Variants in PPM1E observed in about 807,000 individuals in gnomAD.
The protein encoded by PPM1E is protein phosphatase, Mg2+/Mn2+ dependent 1E, also known as protein phosphatase 1E.
A neutral mutation model predicts 65.9 loss-of-function variants in PPM1E; 20 were observed. The observed-to-expected ratio is 0.30, with a 90% CI of 0.21 to 0.44. The LOEUF (loss-of-function observed/expected upper bound fraction) is 0.44, where lower values mean the gene tolerates loss of function less well. PPM1E is among the 20% of genes least tolerant of loss of function. The pLI is 1.00. For missense variants in PPM1E, 713 were observed against 953.1 expected (o/e 0.75, Z 3.32); for synonymous variants, 352 against 374.9 (o/e 0.94, Z 0.70).
intron 6 of PPM1E, among the ~76,000 whole-genome samples, chr17:58,978,699 T>A (rs535435561): frequency 1.3e-5 from 2 of 151,856 alleles, no homozygotes; most frequent in African/African-American, 4.8e-5. Flanking sequence ...CGACAAAAAA[T>A]AAAAATAAAA....
In PPM1E at chr17:58,821,651, C is replaced by T. The variant is rs190544913; in HGVS notation, c.464+65190C>T. Among the ~76,000 whole-genome samples the T allele has an allele frequency of 1.1e-3, 161 of 152,132 alleles. 1 individual carries two copies. Among genetic ancestry groups the T allele is most frequent in the African/African-American group, 3.7e-3 (153 of 41,498 alleles). ...AGAAAGAATTCCTTTGATTGAGAAGCGGATACTGGTTAGCAAGGACCTTGG... is the reference window on the plus strand; with the variant it reads ...AGAAAGAATTCCTTTGATTGAGAAGTGGATACTGGTTAGCAAGGACCTTGG... On this transcript the variant is annotated intron_variant, in intron 1 of 6. Transcript: ENST00000308249.
chr17:58,826,864 T>G (rs1485106823), intron 1 of PPM1E, among the ~76,000 whole-genome samples: 1 of 151,964 alleles, frequency 6.6e-6, no homozygotes. Context: ...CCCCTGACCT[T>G]GTGATCCGCC....
chr17:58,767,657 T>C (rs968727457), intron 1 of PPM1E, among the ~76,000 whole-genome samples: 4 of 152,150 alleles, frequency 2.6e-5, no homozygotes, highest in Non-Finnish European at 5.9e-5. Context: ...ATTTATTTAT[T>C]TGGAGATGGA....
intron 1 of PPM1E, among the ~76,000 whole-genome samples, chr17:58,953,211 C>T (rs2052264825): frequency 6.6e-6 from 1 of 152,188 alleles, no homozygotes; most frequent in African/African-American, 2.4e-5. Context: ...TCTTAGTCTG[C>T]TTTGAATTGC....
At chr17:58,844,754 A>C (rs1024497607) in intron 1 of PPM1E, among the ~76,000 whole-genome samples, 1 of 152,236 alleles carries the variant, frequency 6.6e-6, no homozygotes, top group Non-Finnish European at 1.5e-5. Context: ...AAAAGATATC[A>C]GCAATCAATC....
chr17:58,930,248 T>C (rs1035666856), intron 1 of PPM1E, among the ~76,000 whole-genome samples: 4 of 142,188 alleles, frequency 2.8e-5, no homozygotes, highest in Non-Finnish European at 4.6e-5. Flanking sequence ...ATTAAATGTA[T>C]ATACACACAC....
intron 4 of PPM1E, 27 bp from the exon 5 acceptor site, chr17:58,972,105 G>C: frequency 6.3e-7 from 1 of 1,598,788 alleles, no homozygotes; most frequent in Non-Finnish European, 8.5e-7. Context: ...TTTTCACTGA[G>C]TCTAGTTTTA....
chr17:58,850,370 A>G (rs1244043406), intron 1 of PPM1E, among the ~76,000 whole-genome samples: 1 of 152,162 alleles, frequency 6.6e-6, no homozygotes, highest in African/African-American at 2.4e-5. Flanking sequence ...TCTTCCTCGC[A>G]TCGATGGTCT....
At chr17:58,771,662 G>T (rs1193011008) in intron 1 of PPM1E, among the ~76,000 whole-genome samples, 1 of 144,438 alleles carries the variant, frequency 6.9e-6, no homozygotes, top group Non-Finnish European at 1.5e-5. Flanking sequence ...AGAAAGAAAA[G>T]GAAAATATAT....
chr17:58,969,505 A>G (rs1429864880), intron 3 of PPM1E, 34 bp from the exon 4 acceptor site: 1 of 1,607,842 alleles, frequency 6.2e-7, no homozygotes, highest in South Asian at 1.1e-5. Flanking sequence ...TGCTATACCC[A>G]ACTCCCATAA....
intron 1 of PPM1E, among the ~76,000 whole-genome samples, chr17:58,806,698 CTTTTTTTT>C (rs57960498): frequency 5.1e-4 from 69 of 135,046 alleles, no homozygotes; most frequent in Admixed American, 9.5e-4. Flanking sequence ...GTTTTGTTTT[CTTTTTTTT>C]TTTTTTTTTT....
intron 1 of PPM1E, among the ~76,000 whole-genome samples, chr17:58,858,522 AT>A (rs765424392): frequency 0.019 from 2,710 of 144,208 alleles, 62 homozygotes; most frequent in African/African-American, 0.054. Flanking sequence ...CATGAGATCA[AT>A]TTTTTTTTTT....
intron 1 of PPM1E, among the ~76,000 whole-genome samples, chr17:58,831,252 G>A (rs962929491): frequency 5.3e-5 from 8 of 151,460 alleles, no homozygotes; most frequent in Non-Finnish European, 1.0e-4. Flanking sequence ...CCTTGTAATC[G>A]TCCACCTTGG....
intron 1 of PPM1E, among the ~76,000 whole-genome samples, chr17:58,781,477 C>A (rs983576232): frequency 1.3e-5 from 2 of 152,028 alleles, no homozygotes; most frequent in African/African-American, 4.8e-5. Flanking sequence ...TCATGGCCAA[C>A]CAAATTCATT....
chr17:58,898,823 G>A (rs1321175767), intron 1 of PPM1E, among the ~76,000 whole-genome samples: 1 of 152,302 alleles, frequency 6.6e-6, no homozygotes, highest in South Asian at 2.1e-4. Flanking sequence ...GGAATACTGT[G>A]CAGCCATAAA....
At position 58,756,274 on chromosome 17, in the gene PPM1E, G is replaced by A; in HGVS notation, c.277G>A (p.Val93Ile). 6.5e-7 allele frequency: 1 copy of A among 1,548,198 alleles called. No individual in the cohort carries two copies. The highest frequency in any genetic ancestry group is 2.0e-5 in the Admixed American group (1 of 50,906). ...CCCGGAGCCCGAGGAGGAGGCGGCG[G>A]TTGAGGGTGAGGAGGAGGAGGAGGG... ...QDPEPEEEAA[V>I]EGEEEEEGAA... is the part of the protein sequence containing the mutation. Residue 93 changes from valine to isoleucine, a missense_variant, in exon 1 of 7, where the codon GTT becomes ATT. By Grantham distance (29) the Val-to-Ile change is conservative. Coordinates refer to ENST00000308249, the MANE Select transcript of PPM1E (RefSeq NM_014906.5).
chr17:58,851,857 A>G (rs543306284), intron 1 of PPM1E, among the ~76,000 whole-genome samples: 1 of 152,316 alleles, frequency 6.6e-6, no homozygotes, highest in Non-Finnish European at 1.5e-5. Context: ...CCTTTTGTTC[A>G]GCTATGCCCT....
chr17:58,853,745 C>G (rs549791906), intron 1 of PPM1E, among the ~76,000 whole-genome samples: 1 of 152,138 alleles, frequency 6.6e-6, no homozygotes, highest in Non-Finnish European at 1.5e-5. Context: ...GCATGAGAAT[C>G]GCTTGAACCC....
At chr17:58,951,843 A>G (rs1285142132) in intron 1 of PPM1E, among the ~76,000 whole-genome samples, 1 of 152,088 alleles carries the variant, frequency 6.6e-6, no homozygotes, top group Admixed American at 6.5e-5. Flanking sequence ...TTTTTCTGGC[A>G]TTTTATATAT....
Sources: allele counts gnomAD v4.1 joint callset (sites outside exome capture counted in the v4.1 genomes callset), GRCh38; gene constraint gnomAD v4.1.1; transcripts MANE v1.5; gene names NCBI Gene and HGNC (gene_info 2026-07-23, HGNC 2026-07-21).